Variants in ZNF385D observed in about 807,000 individuals in gnomAD.
The protein encoded by ZNF385D is zinc finger protein 659.
In ZNF385D, 15 loss-of-function variants were observed where a neutral mutation model predicts 35.8. That is an observed-to-expected ratio of 0.42 (90% CI 0.28 to 0.64). The LOEUF is 0.64. ZNF385D is among the 30% of genes least tolerant of loss of function. The pLI, the probability that ZNF385D is intolerant of heterozygous loss-of-function variation, is 0.23. For synonymous variants in ZNF385D, 212 were observed against 186.8 expected (o/e 1.13, Z -1.10); for missense variants, 474 against 494.6 (o/e 0.96, Z 0.39).
chr3:21,975,886 C>T (rs551702125), intron 3 of ZNF385D, among the ~76,000 whole-genome samples: 1 of 151,892 alleles, frequency 6.6e-6, no homozygotes, highest in South Asian at 2.1e-4. Context: ...ATTAACTACA[C>T]AGGACAAGAT....
At chr3:21,977,483 T>A (rs188886375) in intron 3 of ZNF385D, among the ~76,000 whole-genome samples, 23 of 151,934 alleles carry the variant, frequency 1.5e-4, no homozygotes, top group African/African-American at 5.3e-4. Flanking sequence ...TGAAAAACAG[T>A]AATAAAGATA....
At chr3:21,916,312 A>C (rs1264924020) in intron 3 of ZNF385D, among the ~76,000 whole-genome samples, 1 of 152,118 alleles carries the variant, frequency 6.6e-6, no homozygotes, top group Non-Finnish European at 1.5e-5. Flanking sequence ...CTGGTATTTG[A>C]ATCTTATTTT....
rs1388078595 is a variant in ZNF385D at position 21,417,175 on chromosome 3, T to C, written c.*4039A>G. ...TATGCAAGTATGTGAGTAGCTGCAT[T>C]GGTCACTCGAATAAAGAATTTTTAT... On this transcript the variant is annotated 3_prime_UTR_variant, in exon 8 of 8. Coordinates refer to ENST00000281523, the MANE Select transcript of ZNF385D (RefSeq NM_024697.3). 1 of 152,142 alleles carries C rather than the reference T, an allele frequency of 6.6e-6. No homozygotes were observed. The highest frequency in any genetic ancestry group is 1.5e-5 in the Non-Finnish European group (1 of 67,998). 9.4% of individuals were successfully genotyped at this position (152,142 alleles called of 1,614,324 possible).
chr3:21,909,628 C>T lies in ZNF385D; in HGVS notation c.326-244600G>A, dbSNP rs1266778879. On this transcript the variant is annotated intron_variant, in intron 3 of 5. Transcript: ENST00000494108. ...GGTCCTGAATGGATTGTTGCAAAGT[C>T]ACAAACCCATTCCTCTTGGATACTG... 2.6e-5 allele frequency among the ~76,000 whole-genome samples: 4 copies of T among 152,024 alleles called. No homozygotes were observed. The East Asian group carries it at 7.7e-4, about 29-fold the overall frequency.
intron 3 of ZNF385D, among the ~76,000 whole-genome samples, chr3:21,836,217 TAGAA>T (rs1279333082): frequency 1.3e-5 from 2 of 152,108 alleles, no homozygotes; most frequent in African/African-American, 2.4e-5. Flanking sequence ...CAAAAGTTAT[TAGAA>T]AGAGATATCA....
At chr3:22,216,915 AG>A (rs1248185955) in intron 2 of ZNF385D, among the ~76,000 whole-genome samples, 2 of 152,186 alleles carry the variant, frequency 1.3e-5, no homozygotes, top group Non-Finnish European at 2.9e-5. Context: ...CATATGATGA[AG>A]ATGAGTGAGC....
intron 1 of ZNF385D, among the ~76,000 whole-genome samples, chr3:21,700,087 C>G (rs1046385296): frequency 1.3e-5 from 2 of 152,136 alleles, no homozygotes; most frequent in Non-Finnish European, 2.9e-5. Flanking sequence ...CTCCTGACCT[C>G]AGCCTCTCAA....
intron 3 of ZNF385D, among the ~76,000 whole-genome samples, chr3:21,940,861 T>G (rs1701483202): frequency 6.6e-6 from 1 of 152,186 alleles, no homozygotes; most frequent in Admixed American, 6.5e-5. Flanking sequence ...TAGTTTTGAA[T>G]ACTGCAAAAA....
At chr3:22,064,951 G>A (rs1300424753) in intron 3 of ZNF385D, among the ~76,000 whole-genome samples, 1 of 152,172 alleles carries the variant, frequency 6.6e-6, no homozygotes, top group African/African-American at 2.4e-5. Context: ...TAGCATGGTT[G>A]ACTTAGCCAT....
rs997203859 is a variant in ZNF385D, at chr3:21,751,112, G to A, written c.-196C>T. The A allele has an allele frequency of 6.0e-5, 88 of 1,469,342 alleles. No individual in the cohort carries two copies. The highest frequency in any genetic ancestry group is 7.5e-5 in the Non-Finnish European group (83 of 1,110,506). 91.0% of individuals were successfully genotyped at this position (1,469,342 alleles called of 1,614,324 possible). Reference sequence around the variant, plus strand: ...CCTTTCCAGGGCTAAGATCCCCGGCGGCTGGAGAGTGCGCTCGGGCTGCCT... The same window carrying A: ...CCTTTCCAGGGCTAAGATCCCCGGCAGCTGGAGAGTGCGCTCGGGCTGCCT... On this transcript the variant is annotated 5_prime_UTR_variant, in exon 1 of 8. Transcript: ENST00000281523.
chr3:21,727,620 C>T (rs1480765108), intron 1 of ZNF385D, among the ~76,000 whole-genome samples: 2 of 152,176 alleles, frequency 1.3e-5, no homozygotes, highest in Admixed American at 6.5e-5. Flanking sequence ...AATGAGATAC[C>T]ATCTCACGCC....
At chr3:22,027,634 G>T (rs904831418) in intron 3 of ZNF385D, among the ~76,000 whole-genome samples, 1 of 152,168 alleles carries the variant, frequency 6.6e-6, no homozygotes, top group African/African-American at 2.4e-5. Context: ...TGCCTATCAT[G>T]AACTGGGTGC....
At chr3:21,610,651 T>C (rs2064644461) in intron 2 of ZNF385D, among the ~76,000 whole-genome samples, 1 of 151,748 alleles carries the variant, frequency 6.6e-6, no homozygotes, top group South Asian at 2.1e-4. Flanking sequence ...GGCGGGCGCC[T>C]GTGGTCCCAG....
At chr3:22,186,814 A>C (rs562253278) in intron 2 of ZNF385D, among the ~76,000 whole-genome samples, 5 of 152,322 alleles carry the variant, frequency 3.3e-5, no homozygotes, top group African/African-American at 1.2e-4. Flanking sequence ...GAGATTGCTC[A>C]TAATCAACTG....
intron 3 of ZNF385D, among the ~76,000 whole-genome samples, chr3:21,533,885 A>G (rs1322963106): frequency 2.8e-4 from 43 of 152,152 alleles, no homozygotes; most frequent in Admixed American, 2.8e-3. Flanking sequence ...AAGACAAAAG[A>G]GAAATATCAG....
intron 1 of ZNF385D, among the ~76,000 whole-genome samples, chr3:21,695,724 G>C (rs2067447173): frequency 6.6e-6 from 1 of 151,270 alleles, no homozygotes; most frequent in African/African-American, 2.4e-5. Context: ...TTTTATCCTT[G>C]CTAGTCAAAC....
intron 4 of ZNF385D, among the ~76,000 whole-genome samples, chr3:21,439,669 A>G (rs1575147529): frequency 6.6e-6 from 1 of 152,108 alleles, no homozygotes; most frequent in African/African-American, 2.4e-5. Flanking sequence ...ACAAAAGCAT[A>G]GAATAAACAA....
intron 2 of ZNF385D, among the ~76,000 whole-genome samples, chr3:22,290,756 G>A (rs1221373452): frequency 1.3e-5 from 2 of 152,108 alleles, no homozygotes; most frequent in East Asian, 1.9e-4. Context: ...TATCTCAGAA[G>A]TAATTGATCT....
chr3:21,941,244 T>C (rs1156427392), intron 3 of ZNF385D, among the ~76,000 whole-genome samples: 2 of 152,206 alleles, frequency 1.3e-5, no homozygotes, highest in African/African-American at 2.4e-5. Flanking sequence ...ATTTATATGT[T>C]ACTATGTTGA....
Sources: allele counts gnomAD v4.1 joint callset (sites outside exome capture counted in the v4.1 genomes callset), GRCh38; gene constraint gnomAD v4.1.1; transcripts MANE v1.5; gene names NCBI Gene and HGNC (gene_info 2026-07-23, HGNC 2026-07-21).